GATAD2B: variants seen among roughly 807,000 people sequenced by gnomAD.
GATAD2B encodes the protein transcriptional repressor p66-beta.
Under a neutral mutation model 64.3 loss-of-function variants are expected in GATAD2B, and 8 were observed. That is an observed-to-expected ratio of 0.12 (90% confidence interval 0.07 to 0.22). GATAD2B has a LOEUF of 0.22. Among genes scored for constraint, GATAD2B ranks in the 10% least tolerant of loss-of-function variants. The pLI, the probability that GATAD2B is intolerant of heterozygous loss-of-function variation, is 1.00. For missense variants in GATAD2B, 453 were observed against 752.0 expected (o/e 0.60, Z 4.65); for synonymous variants, 281 against 271.3 (o/e 1.04, Z -0.35).
intron 1 of GATAD2B, among the ~76,000 whole-genome samples, chr1:153,912,072 G>C (rs1678125460): frequency 6.6e-6 from 1 of 152,108 alleles, no homozygotes; most frequent in Admixed American, 6.6e-5. Context: ...TCTAACCTTA[G>C]TTATACTCTT....
chr1:153,837,887 C>A (rs1350096246), intron 1 of GATAD2B, among the ~76,000 whole-genome samples: 1 of 151,878 alleles, frequency 6.6e-6, no homozygotes. Flanking sequence ...TTTTTTGTTT[C>A]TTCTGTGATC....
chr1:153,837,397 A>G (rs1361278775), intron 1 of GATAD2B, among the ~76,000 whole-genome samples: 2 of 150,758 alleles, frequency 1.3e-5, no homozygotes, highest in African/African-American at 4.9e-5. Context: ...AACACAGTAG[A>G]ATAGAGGTTT....
rs1454602161 is a variant in GATAD2B at position 153,817,674 on chromosome 1, G to A, written c.730-132C>T. The stretch of plus-strand genomic sequence containing the variant: ...AAACACAGGAACACAGCCAGACTTG[G>A]TAATTTCATTTAATGGTCTATGGGA... On this transcript the variant is annotated intron_variant, in intron 5 of 10. Coordinates refer to ENST00000368655, the MANE Select transcript of GATAD2B (RefSeq NM_020699.4). The A allele has an allele frequency of 5.0e-6, 3 of 603,928 alleles. No individual in the cohort carries two copies. In the African/African-American group the frequency reaches 5.7e-5, roughly 11 times the overall value. 37.4% of individuals were successfully genotyped at this position (603,928 alleles called of 1,614,324 possible).
At chr1:153,912,207 T>C (rs968192444) in intron 1 of GATAD2B, among the ~76,000 whole-genome samples, 12 of 152,212 alleles carry the variant, frequency 7.9e-5, no homozygotes, top group Non-Finnish European at 1.5e-5. Flanking sequence ...GTGGTACCTA[T>C]ATATGTAAAT....
At chr1:153,853,130 C>A (rs1041445526) in intron 1 of GATAD2B, 2 of 1,441,196 alleles carry the variant, frequency 1.4e-6, no homozygotes, top group Non-Finnish European at 2.0e-6. Context: ...TCAGAATAGG[C>A]AGTCTCTCCT....
At chr1:153,867,584 G>A (rs1011410419) in intron 1 of GATAD2B, among the ~76,000 whole-genome samples, 32 of 151,964 alleles carry the variant, frequency 2.1e-4, no homozygotes, top group African/African-American at 6.3e-4. Context: ...GGCCAGGCGC[G>A]GTGGCTCACG....
chr1:153,899,639 CA>C (rs941548180), intron 1 of GATAD2B, among the ~76,000 whole-genome samples: 1 of 151,550 alleles, frequency 6.6e-6, no homozygotes, highest in Non-Finnish European at 1.5e-5. Context: ...GCCTGACAAT[CA>C]AAATCCAAAG....
At chr1:153,827,033 C>T (rs1426454326) in intron 2 of GATAD2B, among the ~76,000 whole-genome samples, 3 of 149,282 alleles carry the variant, frequency 2.0e-5, no homozygotes, top group Non-Finnish European at 3.0e-5. Flanking sequence ...ACCACTTGAG[C>T]TCAGGAATTC....
intron 1 of GATAD2B, among the ~76,000 whole-genome samples, chr1:153,914,310 C>T (rs897967544): frequency 1.3e-5 from 2 of 150,420 alleles, no homozygotes; most frequent in African/African-American, 4.9e-5. Context: ...TAATACAGTG[C>T]TTTACAGTTT....
intron 1 of GATAD2B, among the ~76,000 whole-genome samples, chr1:153,886,734 T>A (rs572947347): frequency 1.1e-3 from 174 of 151,670 alleles, no homozygotes; most frequent in African/African-American, 4.1e-3. Flanking sequence ...TTTTTTTTCG[T>A]ATTTTTAGTA....
intron 1 of GATAD2B, among the ~76,000 whole-genome samples, chr1:153,861,509 C>T (rs967592450): frequency 8.6e-5 from 13 of 151,076 alleles, no homozygotes; most frequent in South Asian, 8.3e-4. Context: ...AAAATACGGC[C>T]GGACACAGTG....
At chr1:153,919,837 G>A (rs1427041494) in intron 1 of GATAD2B, among the ~76,000 whole-genome samples, 2 of 152,204 alleles carry the variant, frequency 1.3e-5, no homozygotes, top group Non-Finnish European at 2.9e-5. Context: ...CTCAGAAAAT[G>A]TCTGGCTATT....
intron 1 of GATAD2B, among the ~76,000 whole-genome samples, chr1:153,898,306 C>CAAAAAAAAAAAAAA (rs11373311): frequency 1.2e-5 from 1 of 80,778 alleles, no homozygotes. Context: ...CAGCCTGTCT[C>CAAAAAAAAAAAAAA]AAAAAAAAAA....
chr1:153,921,208 C>G (rs1034249201), intron 1 of GATAD2B, among the ~76,000 whole-genome samples: 3 of 152,178 alleles, frequency 2.0e-5, no homozygotes, highest in Non-Finnish European at 2.9e-5. Flanking sequence ...GCACTAAACT[C>G]CCAAACAGGA....
At chr1:153,879,365 G>A (rs914511039) in intron 1 of GATAD2B, among the ~76,000 whole-genome samples, 2 of 150,742 alleles carry the variant, frequency 1.3e-5, no homozygotes, top group Middle Eastern at 3.2e-3. Flanking sequence ...ATGAGCCACC[G>A]CTCTCGGCCC....
At chr1:153,894,605 G>A (rs1399810183) in intron 1 of GATAD2B, among the ~76,000 whole-genome samples, 3 of 152,138 alleles carry the variant, frequency 2.0e-5, no homozygotes, top group Non-Finnish European at 4.4e-5. Context: ...GCTCACGCCT[G>A]TAATCCTAGC....
chr1:153,853,475 T>C, intron 1 of GATAD2B: 3 of 440,170 alleles, frequency 6.8e-6, no homozygotes, highest in South Asian at 5.6e-5. Context: ...AATATACATA[T>C]ATTTTTTGCT....
chr1:153,839,982 A>G (rs1387156260), intron 1 of GATAD2B, among the ~76,000 whole-genome samples: 1 of 151,406 alleles, frequency 6.6e-6, no homozygotes, highest in Non-Finnish European at 1.5e-5. Context: ...TCAAACAAAA[A>G]GCTGTTTTGG....
At position 153,805,155 on chromosome 1, in the gene GATAD2B, G is replaced by C. The variant is rs1434803161; in HGVS notation, c.*5022C>G. The C allele has an allele frequency of 2.7e-5, 4 of 148,536 alleles. No homozygotes were observed. The highest frequency in any genetic ancestry group is 5.9e-5 in the Non-Finnish European group (4 of 67,704). The allele number at this position is 148,536 out of a possible 1,614,324, so 9.2% of individuals were successfully genotyped here. ...ACCCTCTCCAGGCTTTATCAGCCCA[G>C]AACCTAAAGAAGAGAGTAGGAGTAC... is the stretch of plus-strand genomic sequence containing the variant. On this transcript the variant is annotated 3_prime_UTR_variant, in exon 11 of 11. Coordinates refer to ENST00000368655, the MANE Select transcript of GATAD2B (RefSeq NM_020699.4).
Sources: allele counts gnomAD v4.1 joint callset (sites outside exome capture counted in the v4.1 genomes callset), GRCh38; gene constraint gnomAD v4.1.1; transcripts MANE v1.5; gene names NCBI Gene and HGNC (gene_info 2026-07-23, HGNC 2026-07-21).